The following MAPK4 variants were observed in gnomAD, a reference collection of about 807,000 sequenced individuals.
MAPK4 encodes mitogen-activated protein kinase 4, also known as Erk3-related.
MAPK4 carries 22 observed loss-of-function variants against 47.7 expected under a neutral mutation model. The ratio of observed to expected loss-of-function variants is 0.46; its 90% CI spans 0.33 to 0.66. The LOEUF (loss-of-function observed/expected upper bound fraction) is 0.66, where lower values mean the gene tolerates loss of function less well. MAPK4 is among the 30% of genes least tolerant of loss of function. MAPK4 has a pLI of 0.02. For synonymous variants in MAPK4, 390 were observed against 365.7 expected (o/e 1.07, Z -0.76); for missense variants, 736 against 831.7 (o/e 0.88, Z 1.42).
At chr18:50,640,991 C>G (rs749680776) in intron 1 of MAPK4, among the ~76,000 whole-genome samples, 9 of 152,132 alleles carry the variant, frequency 5.9e-5, no homozygotes, top group Non-Finnish European at 1.3e-4. Flanking sequence ...GCGTTTTTGT[C>G]TTTTAAATCT....
chr18:50,591,209 T>A (rs1249681631), intron 1 of MAPK4, among the ~76,000 whole-genome samples: 1 of 152,158 alleles, frequency 6.6e-6, no homozygotes. Flanking sequence ...TTTCTTCTTG[T>A]ACATGTTTAT....
intron 1 of MAPK4, among the ~76,000 whole-genome samples, chr18:50,615,117 A>C (rs977470583): frequency 3.3e-5 from 5 of 152,170 alleles, no homozygotes; most frequent in Non-Finnish European, 7.4e-5. Flanking sequence ...GTGGATGTTC[A>C]GGTGCCCACT....
At chr18:50,612,727 G>A (rs2042650011) in intron 1 of MAPK4, among the ~76,000 whole-genome samples, 1 of 152,160 alleles carries the variant, frequency 6.6e-6, no homozygotes, top group Non-Finnish European at 1.5e-5. Context: ...GGAAATTATT[G>A]CTGAATTCAC....
At chr18:50,589,802 C>A (rs1321634520) in intron 1 of MAPK4, among the ~76,000 whole-genome samples, 1 of 152,172 alleles carries the variant, frequency 6.6e-6, no homozygotes, top group East Asian at 1.9e-4. Context: ...CTTAATTGCG[C>A]TGAGAGAATT....
At chr18:50,589,532 C>G (rs2042417662) in intron 1 of MAPK4, among the ~76,000 whole-genome samples, 1 of 147,546 alleles carries the variant, frequency 6.8e-6, no homozygotes, top group Non-Finnish European at 1.5e-5. Flanking sequence ...GGAGGCGGAG[C>G]TTGCAGTGAG....
At chr18:50,611,940 C>T (rs1402843581) in intron 1 of MAPK4, among the ~76,000 whole-genome samples, 1 of 152,198 alleles carries the variant, frequency 6.6e-6, no homozygotes, top group African/African-American at 2.4e-5. Context: ...CTTTAAAGAT[C>T]GAAGTATGAG....
intron 1 of MAPK4, among the ~76,000 whole-genome samples, chr18:50,598,594 C>T (rs1598810675): frequency 6.6e-6 from 1 of 152,214 alleles, no homozygotes; most frequent in Non-Finnish European, 1.5e-5. Context: ...GTCCATATGC[C>T]TTTATCTTCA....
intron 1 of MAPK4, among the ~76,000 whole-genome samples, chr18:50,639,671 T>C (rs2042921097): frequency 6.6e-6 from 1 of 152,210 alleles, no homozygotes. Context: ...TTTTATCACT[T>C]AGCGCCACAT....
intron 2 of MAPK4, among the ~76,000 whole-genome samples, chr18:50,686,540 C>T (rs1056501394): frequency 1.3e-5 from 2 of 152,200 alleles, no homozygotes; most frequent in South Asian, 2.1e-4. Context: ...CAAACCAAAC[C>T]GACACAACTT....
rs570628899 is a variant in MAPK4, at chr18:50,563,175, A to G, written c.-871+2932A>G. 1.8e-4 allele frequency among the ~76,000 whole-genome samples: 27 copies of G among 152,348 alleles called. No homozygotes were observed. In the South Asian group the frequency reaches 5.0e-3, roughly 28 times the overall value. On this transcript the variant is annotated intron_variant, in intron 1 of 5. Transcript: ENST00000400384. ...ATACATAGAAAATATGGTAAGTATTAGATGAATGTGCTCATAAGAAAAGGG... is the reference window on the plus strand; with the variant it reads ...ATACATAGAAAATATGGTAAGTATTGGATGAATGTGCTCATAAGAAAAGGG...
chr18:50,566,193 G>A (rs2042196697), intron 1 of MAPK4, among the ~76,000 whole-genome samples: 1 of 152,178 alleles, frequency 6.6e-6, no homozygotes, highest in Admixed American at 6.5e-5. Context: ...ATTTGCTGTA[G>A]GAGGGATTTC....
chr18:50,648,728 C>T (rs887846931), intron 1 of MAPK4, among the ~76,000 whole-genome samples: 4 of 152,078 alleles, frequency 2.6e-5, no homozygotes, highest in Admixed American at 6.5e-5. Context: ...TAAAGCAGTG[C>T]GGATGAAAGG....
intron 1 of MAPK4, among the ~76,000 whole-genome samples, chr18:50,636,173 C>T (rs556810464): frequency 6.6e-6 from 1 of 152,196 alleles, no homozygotes. Context: ...CTTAAGGACC[C>T]CTAACTCAGT....
intron 1 of MAPK4, among the ~76,000 whole-genome samples, chr18:50,609,324 CG>C (rs1160992004): frequency 1.3e-5 from 2 of 151,096 alleles, no homozygotes; most frequent in Admixed American, 1.3e-4. Context: ...ACCTCCCGGG[CG>C]GGGCGGCGGC....
intron 1 of MAPK4, among the ~76,000 whole-genome samples, chr18:50,628,439 C>A (rs925653768): frequency 1.3e-5 from 2 of 152,162 alleles, no homozygotes; most frequent in African/African-American, 4.8e-5. Context: ...ATGGGACTTG[C>A]TAGAATCAAA....
intron 2 of MAPK4, among the ~76,000 whole-genome samples, chr18:50,691,048 A>G (rs1909185775): frequency 6.6e-6 from 1 of 151,994 alleles, no homozygotes; most frequent in African/African-American, 2.4e-5. Context: ...GCTGGAATGC[A>G]GTGGCTCAAT....
intron 1 of MAPK4, among the ~76,000 whole-genome samples, chr18:50,610,618 C>T: frequency 6.6e-6 from 1 of 152,154 alleles, no homozygotes; most frequent in East Asian, 1.9e-4. Context: ...ATTTCCAGCC[C>T]AGTATAATTG....
Position 50,647,988 on chromosome 18 carries a change from T to C in MAPK4, c.-870-15101T>C, listed in dbSNP as rs182975108. On this transcript the variant is annotated intron_variant, in intron 1 of 5. Coordinates refer to ENST00000400384, the MANE Select transcript of MAPK4 (RefSeq NM_002747.4). ...CATTTTTTATTCATCAACTTTTTAT[T>C]GAGCATATACTTACTACATGCCAGA... Among the ~76,000 whole-genome samples, 252 of 152,206 alleles carry C rather than the reference T, an allele frequency of 1.7e-3. 2 individuals are homozygous for C. Among genetic ancestry groups the C allele is most frequent in the South Asian group, 0.012 (56 of 4,820 alleles).
intron 1 of MAPK4, among the ~76,000 whole-genome samples, chr18:50,606,709 A>G (rs566977286): frequency 3.5e-4 from 54 of 152,316 alleles, no homozygotes; most frequent in African/African-American, 1.2e-3. Flanking sequence ...CTCTTTTGCA[A>G]CTACTCAACT....
Sources: allele counts gnomAD v4.1 joint callset (sites outside exome capture counted in the v4.1 genomes callset), GRCh38; gene constraint gnomAD v4.1.1; transcripts MANE v1.5; gene names NCBI Gene and HGNC (gene_info 2026-07-23, HGNC 2026-07-21).